Variants in PAMR1 observed in about 807,000 individuals in gnomAD.
PAMR1 encodes inactive serine protease PAMR1.
Under a neutral mutation model 81.8 loss-of-function variants are expected in PAMR1, and 88 were observed. That is an observed-to-expected ratio of 1.08 (90% confidence interval 0.91 to 1.28). PAMR1 has a LOEUF of 1.28. Ranked by LOEUF, PAMR1 falls within the 50% of genes most tolerant of loss-of-function variation. PAMR1 has a pLI of 0.00. For missense variants in PAMR1, 935 were observed against 919.7 expected (o/e 1.02, Z -0.21); for synonymous variants, 336 against 345.3 (o/e 0.97, Z 0.30).
At chr11:35,504,521 T>C (rs1271526075) in intron 1 of PAMR1, among the ~76,000 whole-genome samples, 1 of 152,074 alleles carries the variant, frequency 6.6e-6, no homozygotes, top group East Asian at 1.9e-4. Context: ...GGGCTTTTCT[T>C]TGATGGGAGA....
chr11:35,437,539 T>A (rs988380628), intron 8 of PAMR1, among the ~76,000 whole-genome samples: 1 of 152,192 alleles, frequency 6.6e-6, no homozygotes, highest in Admixed American at 6.5e-5. Flanking sequence ...AACAAACTCC[T>A]CCCTTGGCTA....
chr11:35,485,443 C>T (rs1299742893), intron 3 of PAMR1, among the ~76,000 whole-genome samples: 1 of 151,800 alleles, frequency 6.6e-6, no homozygotes. Flanking sequence ...TTTTTAATGG[C>T]GATAAAGTGC....
chr11:35,454,450 G>C (rs1162598653), intron 6 of PAMR1, among the ~76,000 whole-genome samples: 1 of 152,060 alleles, frequency 6.6e-6, no homozygotes, highest in Admixed American at 6.5e-5. Context: ...GTTGAGTCTG[G>C]GAGTTCAGTT....
chr11:35,451,038 A>G (rs1856408062), intron 6 of PAMR1, among the ~76,000 whole-genome samples: 1 of 152,238 alleles, frequency 6.6e-6, no homozygotes. Context: ...TACTGAGAGA[A>G]AATGAACTGT....
At position 35,492,055 on chromosome 11, in the gene PAMR1, T is replaced by G. The variant is rs751354443; in HGVS notation, c.369A>C (p.Gly123=). ...TCAAGGTCTACTTACGCATGCAGTCTCCTCCGTACCAGCCTGCTCGGCACT... is the reference window on the plus strand; with the variant it reads ...TCAAGGTCTACTTACGCATGCAGTCGCCTCCGTACCAGCCTGCTCGGCACT... ...CAECRAGWYG[G]DCMRCGQVLR... is the part of the protein sequence containing the mutation. Residue 123 remains glycine (G), a synonymous_variant, in exon 3 of 11, where the codon GGA becomes GGC. Coordinates refer to ENST00000619888, the MANE Select transcript of PAMR1 (RefSeq NM_001001991.3). 13 of 1,612,054 alleles carry G rather than the reference T, an allele frequency of 8.1e-6. No homozygotes were observed. The highest frequency in any genetic ancestry group is 1.0e-5 in the Non-Finnish European group (12 of 1,179,004).
chr11:35,505,992 A>G (rs1010858728), intron 1 of PAMR1, among the ~76,000 whole-genome samples: 3 of 150,974 alleles, frequency 2.0e-5, no homozygotes, highest in Non-Finnish European at 4.4e-5. Flanking sequence ...GTTTGAATTC[A>G]TTGCTTTTTA....
chr11:35,442,437 CAGAT>C (rs1406334108), intron 6 of PAMR1, among the ~76,000 whole-genome samples: 1 of 152,150 alleles, frequency 6.6e-6, no homozygotes, highest in Admixed American at 6.5e-5. Flanking sequence ...AATATTCTAT[CAGAT>C]AGGTAACATA....
intron 1 of PAMR1, among the ~76,000 whole-genome samples, chr11:35,521,696 C>T (rs1712704713): frequency 6.6e-6 from 1 of 152,132 alleles, no homozygotes; most frequent in Admixed American, 6.6e-5. Flanking sequence ...TCATGTGCAT[C>T]CTGAAACCCT....
At chr11:35,499,027 C>T (rs1850780164) in intron 1 of PAMR1, among the ~76,000 whole-genome samples, 1 of 152,234 alleles carries the variant, frequency 6.6e-6, no homozygotes, top group African/African-American at 2.4e-5. Context: ...AACCTGTTCA[C>T]CACTGCCAGG....
At chr11:35,479,682 G>A (rs186271776) in intron 3 of PAMR1, among the ~76,000 whole-genome samples, 163 of 152,284 alleles carry the variant, frequency 1.1e-3, no homozygotes, top group African/African-American at 2.8e-3. Flanking sequence ...AGGATTAGAT[G>A]ATGAAGACCC....
At position 35,436,085 on chromosome 11, in the gene PAMR1, A is replaced by C. The variant is rs1279464061; in HGVS notation, c.1151T>G (p.Leu384Arg). ...LYSAAFSKQK[L>R]QSAPTKKPAL... is the part of the protein sequence containing the mutation. ...TGGCTTCTTGGTAGGGGCACTCTGC[A>C]GTTTCTGCTTGCTGAAGGCCGCTGA... The change falls in exon 9 of 11, where the codon CTG (leucine) becomes CGG (arginine). Residue 384 changes from leucine to arginine, a missense_variant. Physicochemically the swap from Leu to Arg is moderately radical, Grantham distance 102 (BLOSUM62 -2). Coordinates refer to ENST00000619888, the MANE Select transcript of PAMR1 (RefSeq NM_001001991.3). 2.5e-6 allele frequency: 4 copies of C among 1,614,164 alleles called. No individual in the cohort carries two copies. The highest frequency in any genetic ancestry group is 3.4e-6 in the Non-Finnish European group (4 of 1,180,026).
intron 6 of PAMR1, 152 bp from the exon 7 acceptor site, chr11:35,441,845 T>G: frequency 1.8e-6 from 1 of 552,948 alleles, no homozygotes; most frequent in South Asian, 3.1e-5. Flanking sequence ...AATAGAAAAT[T>G]CATGTACTAG....
chr11:35,523,652 G>A (rs1851326869), intron 1 of PAMR1, among the ~76,000 whole-genome samples: 1 of 152,166 alleles, frequency 6.6e-6, no homozygotes, highest in Non-Finnish European at 1.5e-5. Context: ...TCTTGCCTGG[G>A]GCCAGATTCA....
upstream of PAMR1, among the ~76,000 whole-genome samples, chr11:35,526,952 T>C (rs1163152126): frequency 2.0e-5 from 3 of 151,936 alleles, no homozygotes; most frequent in African/African-American, 7.3e-5. Context: ...CAAAGCAAAG[T>C]CTCGGGAAGA....
At chr11:35,447,202 CTT>C (rs35773880) in intron 6 of PAMR1, among the ~76,000 whole-genome samples, 10 of 123,280 alleles carry the variant, frequency 8.1e-5, no homozygotes, top group African/African-American at 9.0e-5. Flanking sequence ...TCCTCCATCC[CTT>C]TTTTTTTTTT....
At chr11:35,449,854 C>T (rs967891803) in intron 6 of PAMR1, among the ~76,000 whole-genome samples, 3 of 152,192 alleles carry the variant, frequency 2.0e-5, no homozygotes, top group African/African-American at 7.2e-5. Context: ...GTTTGCCTTA[C>T]TCCATGCAGC....
At chr11:35,499,965 C>T (rs984253143) in intron 1 of PAMR1, among the ~76,000 whole-genome samples, 3 of 152,082 alleles carry the variant, frequency 2.0e-5, no homozygotes, top group Admixed American at 2.0e-4. Context: ...GGAGGTGTGC[C>T]GACAGAAATG....
intron 1 of PAMR1, among the ~76,000 whole-genome samples, chr11:35,497,888 T>C (rs946296906): frequency 5.3e-5 from 8 of 152,120 alleles, no homozygotes; most frequent in African/African-American, 1.9e-4. Flanking sequence ...CTTTTTAACA[T>C]AGAAAAAAAT....
intron 3 of PAMR1, among the ~76,000 whole-genome samples, chr11:35,485,799 G>GA (rs11479018): frequency 2.0e-5 from 3 of 151,990 alleles, no homozygotes; most frequent in Non-Finnish European, 2.9e-5. Context: ...TGGTACTCAG[G>GA]AAAAAAAAAT....
Sources: allele counts gnomAD v4.1 joint callset (sites outside exome capture counted in the v4.1 genomes callset), GRCh38; gene constraint gnomAD v4.1.1; transcripts MANE v1.5; gene names NCBI Gene and HGNC (gene_info 2026-07-23, HGNC 2026-07-21).